Variants in CCDC198 observed in about 807,000 individuals in gnomAD.
CCDC198 encodes coiled-coil domain containing 198.
Under a neutral mutation model 35.6 loss-of-function variants are expected in CCDC198, and 18 were observed. The observed-to-expected ratio is 0.51, with a 90% CI of 0.35 to 0.75. CCDC198 has a LOEUF of 0.75. Ranked by LOEUF, CCDC198 falls within the 30% of genes least tolerant of loss-of-function variation. The pLI is 0.01. For synonymous variants in CCDC198, 119 were observed against 113.4 expected (o/e 1.05, Z -0.31); for missense variants, 365 against 343.7 (o/e 1.06, Z -0.49).
intron 5 of CCDC198, among the ~76,000 whole-genome samples, chr14:57,472,047 T>C (rs1334007679): frequency 3.3e-5 from 5 of 152,110 alleles, no homozygotes; most frequent in Non-Finnish European, 7.4e-5. Flanking sequence ...ACTTAAGAAA[T>C]TTAACATTGA....
At chr14:57,492,666 G>A (rs1484315752) in intron 1 of CCDC198, among the ~76,000 whole-genome samples, 1 of 152,042 alleles carries the variant, frequency 6.6e-6, no homozygotes, top group African/African-American at 2.4e-5. Context: ...GGCAAGATTT[G>A]CTAGGTACCA....
intron 5 of CCDC198, among the ~76,000 whole-genome samples, chr14:57,475,089 G>A (rs1221853923): frequency 1.3e-5 from 2 of 151,862 alleles, no homozygotes; most frequent in Admixed American, 6.6e-5. Flanking sequence ...GTGAACCCCC[G>A]TCTCTACTAA....
chr14:57,477,450 A>G (rs967833884), intron 5 of CCDC198, among the ~76,000 whole-genome samples: 5 of 152,014 alleles, frequency 3.3e-5, no homozygotes, highest in African/African-American at 1.2e-4. Flanking sequence ...TGCTAGCAAA[A>G]TCTACATTTT....
intron 3 of CCDC198, 25 bp from the exon 4 acceptor site, chr14:57,481,685 G>C (rs773262655): frequency 5.6e-6 from 8 of 1,435,222 alleles, no homozygotes; most frequent in African/African-American, 1.4e-5. Flanking sequence ...ACACTTGTTA[G>C]TATGGGGTAA....
intron 2 of CCDC198, among the ~76,000 whole-genome samples, chr14:57,490,527 G>T (rs940416772): frequency 1.3e-5 from 2 of 152,044 alleles, no homozygotes; most frequent in Non-Finnish European, 2.9e-5. Flanking sequence ...AGTCTTTGGG[G>T]GTAGTTACTG....
chr14:57,478,011 G>T (rs1233654350), intron 5 of CCDC198, among the ~76,000 whole-genome samples: 1 of 152,098 alleles, frequency 6.6e-6, no homozygotes, highest in Non-Finnish European at 1.5e-5. Context: ...TCCTCAGGTG[G>T]TTCTGCTCAT....
At chr14:57,491,221 C>G in intron 1 of CCDC198, 150 bp from the exon 2 acceptor site, 1 of 741,358 alleles carries the variant, frequency 1.3e-6, no homozygotes, top group South Asian at 1.9e-5. Flanking sequence ...GGAGATGAAA[C>G]ACAGAAAGCA....
chr14:57,483,198 A>G (rs1383328357), intron 2 of CCDC198, 47 bp from the exon 3 acceptor site: 2 of 1,613,252 alleles, frequency 1.2e-6, no homozygotes, highest in Admixed American at 1.7e-5. Context: ...ATGCCATGAG[A>G]TGATGAAACA....
At chr14:57,493,433 A>G in intron 1 of CCDC198, 60 bp downstream of exon 1, 1 of 1,376,032 alleles carries the variant, frequency 7.3e-7, no homozygotes, top group Non-Finnish European at 1.0e-6. Context: ...AGTCAGATAA[A>G]CCTATTAATA....
intron 5 of CCDC198, among the ~76,000 whole-genome samples, chr14:57,479,317 G>A (rs1475061193): frequency 6.6e-6 from 1 of 152,104 alleles, no homozygotes; most frequent in African/African-American, 2.4e-5. Context: ...TTGAAATCCT[G>A]GCCTCAGGTT....
chr14:57,475,619 A>C, intron 5 of CCDC198: 1 of 396,622 alleles, frequency 2.5e-6, no homozygotes, highest in Middle Eastern at 5.0e-4. Context: ...AGGCAGGAGA[A>C]TCATTTGAAC....
At chr14:57,479,200 G>A (rs543593705) in intron 5 of CCDC198, among the ~76,000 whole-genome samples, 2 of 152,282 alleles carry the variant, frequency 1.3e-5, no homozygotes, top group South Asian at 4.1e-4. Context: ...GATGAAGCTA[G>A]AAAGGCTAGG....
Position 57,475,788 on chromosome 14 carries a change from C to CTTTTTTT in CCDC198, c.656-4205_656-4199dup, listed in dbSNP as rs548486752. ...CATACATTTGTACGGCACTTAGCTT[C>CTTTTTTT]TTTTTTTTTTTTTTTTTTTTTTTTT... On this transcript the variant is annotated intron_variant, in intron 5 of 5. Transcript: ENST00000216445. 83 of 108,852 alleles carry CTTTTTTT rather than the reference C, an allele frequency of 7.6e-4. 12 individuals carry two copies. Among genetic ancestry groups the CTTTTTTT allele is most frequent in the African/African-American group, 8.6e-4 (18 of 20,828 alleles). 6.7% of individuals were successfully genotyped at this position (108,852 alleles called of 1,614,324 possible).
chr14:57,477,213 A>G (rs942998508), intron 5 of CCDC198, among the ~76,000 whole-genome samples: 2 of 152,226 alleles, frequency 1.3e-5, no homozygotes, highest in Non-Finnish European at 2.9e-5. Flanking sequence ...ATACTTTTAC[A>G]TGTACAGGGC....
At position 57,493,831 on chromosome 14, in the gene CCDC198, T is replaced by A; in HGVS notation, c.-116A>T. ...TTACCCTCGCTTTACAAAGCAGTCA[T>A]TTCCTTCATGGCATCCTTCTAGCTC... is the stretch of plus-strand genomic sequence containing the variant. On this transcript the variant is annotated 5_prime_UTR_variant, in exon 1 of 6. It removes an upstream start codon present in the reference 5' UTR. Transcript: ENST00000216445. The A allele has an allele frequency of 1.3e-6, 1 of 774,408 alleles. No individual in the cohort carries two copies. The highest frequency in any genetic ancestry group is 2.7e-5 in the Admixed American group (1 of 37,200). 48.0% of individuals were successfully genotyped at this position (774,408 alleles called of 1,614,324 possible).
rs2066798844 is a variant in CCDC198 at position 57,470,735 on chromosome 14, T to C, written c.*620A>G. ...CCAAAGGACCACACTTTGGCACTCA[T>C]GCCCTTGTGTAGTCCTCTTCTGCAT... is the stretch of plus-strand genomic sequence containing the variant. On this transcript the variant is annotated 3_prime_UTR_variant, in exon 6 of 6. Coordinates refer to ENST00000216445, the MANE Select transcript of CCDC198 (RefSeq NM_018168.4). 6.6e-6 allele frequency: 1 copy of C among 152,302 alleles called. No homozygotes were observed. The highest frequency in any genetic ancestry group is 1.5e-5 in the Non-Finnish European group (1 of 68,068). The allele number at this position is 152,302 out of a possible 1,614,324, so 9.4% of individuals were successfully genotyped here. A position where few individuals can be genotyped will look rare whatever the true frequency, so the allele number is the denominator to read the frequency against.
intron 5 of CCDC198, among the ~76,000 whole-genome samples, chr14:57,477,128 A>G (rs1189915): frequency 0.91 from 138,785 of 152,216 alleles, 64,651 homozygotes; most frequent in East Asian, 1. Flanking sequence ...GTTAATATGA[A>G]GATTAAATGC....
rs776207213 is a variant in CCDC198 at position 57,490,978 on chromosome 14, A to G, written c.306+11T>C. ...AGAAATTCCTTATGAAGCCTTTTAA[A>G]TTCATCTTACTTGAAGTCTTTGGGG... On this transcript the variant is annotated intron_variant, in intron 2 of 5. Coordinates refer to ENST00000216445, the MANE Select transcript of CCDC198 (RefSeq NM_018168.4). 3.2e-6 allele frequency: 5 copies of G among 1,554,732 alleles called. No homozygotes were observed. The African/African-American group carries it at 6.7e-5, about 21-fold the overall frequency.
intron 5 of CCDC198, chr14:57,475,790 T>TTTTTG (rs2066973246): frequency 1.3e-5 from 1 of 77,702 alleles, no homozygotes; most frequent in African/African-American, 1.4e-4. Flanking sequence ...CTTAGCTTCT[T>TTTTTG]TTTTTTTTTT....
Sources: gnomAD v4.1 joint callset for allele counts (sites outside exome capture counted in the v4.1 genomes callset) on GRCh38, gnomAD v4.1.1 for gene constraint, MANE v1.5 for transcripts, NCBI Gene and HGNC (gene_info 2026-07-23, HGNC 2026-07-21) for gene names.